The following SFMBT2 variants were observed in gnomAD, a reference collection of about 807,000 sequenced individuals.
SFMBT2 encodes the protein scm-like with four MBT domains protein 2.
In SFMBT2, 38 loss-of-function variants were observed where a neutral mutation model predicts 110.1. The observed-to-expected ratio is 0.35, with a 90% CI of 0.27 to 0.45. The LOEUF (loss-of-function observed/expected upper bound fraction) is 0.45, where lower values mean the gene tolerates loss of function less well. SFMBT2 is among the 20% of genes least tolerant of loss of function. SFMBT2 has a pLI of 1.00. For synonymous variants in SFMBT2, 425 were observed against 425.4 expected, an observed-to-expected ratio of 1.00 and a Z score of 0.01; for missense variants, 1,011 against 1,094.9, an observed-to-expected ratio of 0.92 and a Z score of 1.08.
At chr10:7,337,317 T>C (rs1418554390) in intron 4 of SFMBT2, among the ~76,000 whole-genome samples, 1 of 152,214 alleles carries the variant, frequency 6.6e-6, no homozygotes, top group Non-Finnish European at 1.5e-5. Context: ...CATCATTTCA[T>C]TCTATTCCAA....
intron 15 of SFMBT2, among the ~76,000 whole-genome samples, chr10:7,192,813 GCCGGGGGT>G (rs747293834): frequency 3.3e-5 from 5 of 152,124 alleles, no homozygotes; most frequent in Non-Finnish European, 4.4e-5. Flanking sequence ...CTGACTCAGG[GCCGGGGGT>G]CCGGGGCACA....
intron 13 of SFMBT2, 143 bp downstream of exon 13, chr10:7,202,337 C>A: frequency 9.8e-7 from 1 of 1,022,034 alleles, no homozygotes. Flanking sequence ...TAACAAATAA[C>A]AGTCACTATG....
intron 6 of SFMBT2, among the ~76,000 whole-genome samples, chr10:7,280,667 T>C (rs767869356): frequency 2.1e-4 from 32 of 152,192 alleles, no homozygotes; most frequent in Non-Finnish European, 1.6e-4. Flanking sequence ...AATCTCTTGA[T>C]ATACATTACA....
chr10:7,206,570 G>A (rs771809448), intron 11 of SFMBT2: 304 of 985,248 alleles, frequency 3.1e-4, no homozygotes, highest in Non-Finnish European at 3.5e-4. Flanking sequence ...CTATGTCATA[G>A]AAAAGTCACT....
intron 7 of SFMBT2, among the ~76,000 whole-genome samples, chr10:7,257,767 C>T (rs896660146): frequency 5.3e-5 from 8 of 152,152 alleles, no homozygotes; most frequent in South Asian, 2.1e-4. Flanking sequence ...AATGCCTCTT[C>T]CCATCGCCAC....
At chr10:7,334,526 A>G (rs71481715) in intron 4 of SFMBT2, among the ~76,000 whole-genome samples, 1,646 of 152,316 alleles carry the variant, frequency 0.011, 12 homozygotes, top group Middle Eastern at 0.024. Flanking sequence ...TCCCACAACC[A>G]GGACCACAAC....
At chr10:7,245,152 A>G (rs1840566854) in intron 8 of SFMBT2, among the ~76,000 whole-genome samples, 1 of 152,102 alleles carries the variant, frequency 6.6e-6, no homozygotes, top group African/African-American at 2.4e-5. Flanking sequence ...CAGGACCCCA[A>G]CATCCCTGCC....
Position 7,344,090 on chromosome 10 carries a change from T to G in SFMBT2, c.436+23559A>C, listed in dbSNP as rs566029468. Among the ~76,000 whole-genome samples the G allele has an allele frequency of 2.6e-5, 4 of 152,346 alleles. No homozygotes were observed. The East Asian group carries it at 7.7e-4, about 29-fold the overall frequency. ...CAGGGGCTTTTTCGTGCCTTCCTGG[T>G]TTAATCTCTTGTCCTATTTGTGCAT... On this transcript the variant is annotated intron_variant, in intron 4 of 20. Coordinates refer to ENST00000397167, the MANE Select transcript of SFMBT2 (RefSeq NM_001387889.1).
intron 4 of SFMBT2, among the ~76,000 whole-genome samples, chr10:7,300,593 T>C (rs1258677041): frequency 1.3e-5 from 2 of 152,054 alleles, no homozygotes; most frequent in Non-Finnish European, 2.9e-5. Flanking sequence ...CCATGTGGTG[T>C]ATGTCACACA....
At chr10:7,277,117 C>T in intron 6 of SFMBT2, 128 bp from the exon 7 acceptor site, 1 of 605,500 alleles carries the variant, frequency 1.7e-6, no homozygotes, top group Middle Eastern at 2.6e-4. Context: ...GTGTTCACAC[C>T]CCATACCCAC....
At chr10:7,365,875 G>A (rs1339352871) in intron 4 of SFMBT2, among the ~76,000 whole-genome samples, 5 of 152,126 alleles carry the variant, frequency 3.3e-5, no homozygotes, top group Non-Finnish European at 5.9e-5. Context: ...GAAATGTTCT[G>A]GAATTATAGT....
intron 1 of SFMBT2, among the ~76,000 whole-genome samples, chr10:7,390,773 G>A (rs1165675210): frequency 6.6e-6 from 1 of 152,184 alleles, no homozygotes; most frequent in Non-Finnish European, 1.5e-5. Flanking sequence ...ATCTGAGACT[G>A]TAAAATTTAA....
At chr10:7,164,198 G>A (rs1564361271) in intron 20 of SFMBT2, 1 of 847,966 alleles carries the variant, frequency 1.2e-6, no homozygotes, top group African/African-American at 1.8e-5. Context: ...ACAAGTCTGG[G>A]TAACACGGTG....
At chr10:7,266,702 T>C (rs1841405176) in intron 7 of SFMBT2, among the ~76,000 whole-genome samples, 1 of 152,098 alleles carries the variant, frequency 6.6e-6, no homozygotes, top group Non-Finnish European at 1.5e-5. Flanking sequence ...ACGCAATGAC[T>C]AGAAGCCAGG....
chr10:7,192,400 T>C (rs1838627951), intron 15 of SFMBT2, among the ~76,000 whole-genome samples: 1 of 152,186 alleles, frequency 6.6e-6, no homozygotes, highest in Non-Finnish European at 1.5e-5. Context: ...CTTCGAAGAA[T>C]GAAAGCTCTT....
intron 1 of SFMBT2, among the ~76,000 whole-genome samples, chr10:7,403,514 C>T (rs1322765028): frequency 2.0e-5 from 3 of 151,982 alleles, no homozygotes; most frequent in African/African-American, 4.8e-5. Flanking sequence ...TGGTGGTGTG[C>T]GCCTGTAGTT....
Position 7,408,066 on chromosome 10 carries a change from C to G in SFMBT2, c.-52+2795G>C, listed in dbSNP as rs932407853. 6.6e-6 allele frequency among the ~76,000 whole-genome samples: 1 copy of G among 152,270 alleles called. No individual in the cohort carries two copies. The highest frequency in any genetic ancestry group is 2.4e-5 in the African/African-American group (1 of 41,468). ...TGTACATCCGCTTCCACGGCACGGC[C>G]TCGTGCAAAATCGCGGGTTTCGGGG... On this transcript the variant is annotated intron_variant, in intron 1 of 20. Transcript: ENST00000397167. The surrounding 1 kb of genome is among the most constrained non-coding windows in gnomAD (Gnocchi z 5.7).
At chr10:7,225,484 A>G (rs1441624352) in intron 10 of SFMBT2, among the ~76,000 whole-genome samples, 2 of 152,258 alleles carry the variant, frequency 1.3e-5, no homozygotes, top group Non-Finnish European at 1.5e-5. Context: ...AATGCGATGC[A>G]TACGTCAACA....
chr10:7,167,663 AT>A (rs1201564334), intron 20 of SFMBT2, among the ~76,000 whole-genome samples: 6 of 152,330 alleles, frequency 3.9e-5, no homozygotes, highest in Non-Finnish European at 8.8e-5. Context: ...ATTAGTAAAA[AT>A]TAGTAATTAA....
Sources: allele counts gnomAD v4.1 joint callset (sites outside exome capture counted in the v4.1 genomes callset), GRCh38; gene constraint gnomAD v4.1.1; non-coding constraint Gnocchi (gnomAD v3.1); transcripts MANE v1.5; gene names NCBI Gene and HGNC (gene_info 2026-07-23, HGNC 2026-07-21).